Variants in MARCHF3 observed in about 807,000 individuals in gnomAD.
The protein encoded by MARCHF3 is membrane associated ring-CH-type finger 3, also known as E3 ubiquitin-protein ligase MARCHF3.
In MARCHF3, 13 loss-of-function variants were observed where a neutral mutation model predicts 24.2. That is an observed-to-expected ratio of 0.54 (90% CI 0.35 to 0.85). The LOEUF (loss-of-function observed/expected upper bound fraction) is 0.85. MARCHF3 is among the 40% of genes least tolerant of loss of function. The probability of loss-of-function intolerance (pLI) is 0.01; values close to 1 mark genes in which losing one functional copy is unlikely to be tolerated. For synonymous variants in MARCHF3, 144 were observed against 137.3 expected, an observed-to-expected ratio of 1.05 and a Z score of -0.34; for missense variants, 276 against 325.0, an observed-to-expected ratio of 0.85 and a Z score of 1.16.
intron 1 of MARCHF3, among the ~76,000 whole-genome samples, chr5:126,962,836 T>C (rs796979088): frequency 7.5e-6 from 1 of 133,968 alleles, no homozygotes; most frequent in Admixed American, 7.1e-5. Flanking sequence ...TGTGTGTGCG[T>C]GTGTGTGTGT....
chr5:126,902,524 T>A (rs1412060876), intron 3 of MARCHF3, among the ~76,000 whole-genome samples: 1 of 152,030 alleles, frequency 6.6e-6, no homozygotes. Flanking sequence ...ATGGAATTCT[T>A]TTTATACACA....
intron 3 of MARCHF3, among the ~76,000 whole-genome samples, chr5:126,894,538 T>C (rs1294141932): frequency 3.9e-5 from 6 of 152,082 alleles, no homozygotes; most frequent in East Asian, 1.9e-4. Context: ...ATTTCTCCTT[T>C]GCTTATGAAG....
Position 126,927,019 on chromosome 5 carries a change from C to T in MARCHF3, c.-56-8792G>A, listed in dbSNP as rs555792311. Among the ~76,000 whole-genome samples the T allele has an allele frequency of 3.9e-5, 6 of 152,238 alleles. No individual in the cohort carries two copies. The East Asian group carries it at 9.6e-4, about 24-fold the overall frequency. ...CTCATGAAGACACAACTACTGACAT[C>T]TGCTTTGATAGTCTTGTATAAACAG... On this transcript the variant is annotated intron_variant, in intron 1 of 4. Transcript: ENST00000308660.
chr5:126,964,588 A>G (rs1164376341), intron 1 of MARCHF3, among the ~76,000 whole-genome samples: 1 of 152,210 alleles, frequency 6.6e-6, no homozygotes, highest in Non-Finnish European at 1.5e-5. Flanking sequence ...TTAAGATATG[A>G]GTCCAGTGAG....
intron 1 of MARCHF3, among the ~76,000 whole-genome samples, chr5:126,985,594 G>A (rs1333460230): frequency 6.6e-6 from 1 of 150,910 alleles, no homozygotes; most frequent in Non-Finnish European, 1.5e-5. Context: ...CTCACCTCCC[G>A]AATAGCTGGG....
At chr5:126,941,551 T>C (rs774592073) in intron 1 of MARCHF3, among the ~76,000 whole-genome samples, 1 of 152,240 alleles carries the variant, frequency 6.6e-6, no homozygotes, top group Non-Finnish European at 1.5e-5. Flanking sequence ...ATGTGTCATA[T>C]GCGTTAATAG....
chr5:126,965,235 G>C (rs77535398), intron 1 of MARCHF3, among the ~76,000 whole-genome samples: 1 of 152,116 alleles, frequency 6.6e-6, no homozygotes, highest in Non-Finnish European at 1.5e-5. Context: ...CCAGATTACA[G>C]ATGAAGAAAC....
chr5:126,882,075 A>G (rs973533137), intron 3 of MARCHF3, among the ~76,000 whole-genome samples: 2 of 152,186 alleles, frequency 1.3e-5, no homozygotes, highest in Non-Finnish European at 2.9e-5. Flanking sequence ...CCCATTCCAT[A>G]GATATAAACA....
At chr5:126,874,236 A>T (rs1462464568) in intron 4 of MARCHF3, among the ~76,000 whole-genome samples, 1 of 152,210 alleles carries the variant, frequency 6.6e-6, no homozygotes, top group Admixed American at 6.5e-5. Context: ...AGAAAATGTT[A>T]GCATCCACTC....
At chr5:126,933,299 C>T (rs1313340509) in intron 1 of MARCHF3, among the ~76,000 whole-genome samples, 4 of 152,128 alleles carry the variant, frequency 2.6e-5, no homozygotes, top group Non-Finnish European at 5.9e-5. Flanking sequence ...GATGATAGTG[C>T]ATATATACAC....
intron 1 of MARCHF3, among the ~76,000 whole-genome samples, chr5:127,006,552 T>C (rs768739931): frequency 4.6e-5 from 7 of 152,210 alleles, no homozygotes; most frequent in Non-Finnish European, 1.0e-4. Flanking sequence ...TCATTACGTT[T>C]AGTATTTTAA....
chr5:126,974,242 T>G (rs114531336), intron 1 of MARCHF3, among the ~76,000 whole-genome samples: 2 of 152,178 alleles, frequency 1.3e-5, no homozygotes, highest in African/African-American at 2.4e-5. Flanking sequence ...GAAGAAAAGA[T>G]GGATGGGGAC....
At position 126,968,761 on chromosome 5, in the gene MARCHF3, T is replaced by TA. The variant is rs564774417; in HGVS notation, c.-56-50535dup. ...AGCTAATTTTTGTATTTTAAGTAGA[T>TA]ACAGGGTTTCGCCATGTTGGCCTGG... On this transcript the variant is annotated intron_variant, in intron 1 of 4. Transcript: ENST00000308660. Among the ~76,000 whole-genome samples, 450 of 152,176 alleles carry TA rather than the reference T, an allele frequency of 3.0e-3. 2 individuals carry two copies. Among genetic ancestry groups the TA allele is most frequent in the African/African-American group, 0.01 (430 of 41,528 alleles).
At chr5:126,997,954 T>C (rs527707996) in intron 1 of MARCHF3, among the ~76,000 whole-genome samples, 2 of 152,324 alleles carry the variant, frequency 1.3e-5, no homozygotes, top group African/African-American at 4.8e-5. Flanking sequence ...GAAGCACTTT[T>C]ATTACAGAAG....
intron 3 of MARCHF3, among the ~76,000 whole-genome samples, chr5:126,899,784 C>T (rs1394832090): frequency 6.6e-6 from 1 of 151,944 alleles, no homozygotes; most frequent in East Asian, 1.9e-4. Context: ...GTTTTTGGTT[C>T]ACAGCAAAAT....
intron 3 of MARCHF3, among the ~76,000 whole-genome samples, chr5:126,878,830 C>A (rs1753257496): frequency 6.6e-6 from 1 of 152,192 alleles, no homozygotes; most frequent in South Asian, 2.1e-4. Flanking sequence ...CCAAGACAGG[C>A]CTGTTTTTAG....
rs761696126 is a variant in MARCHF3 at position 126,870,607 on chromosome 5, C to G, written c.*26G>C. On this transcript the variant is annotated 3_prime_UTR_variant, in exon 5 of 5. Coordinates refer to ENST00000308660, the MANE Select transcript of MARCHF3 (RefSeq NM_178450.5). ...CACTTCCAAACCCCAAACAATGAAT[C>G]AAACAACCAACCAACCATACAAACA... 6.6e-7 allele frequency: 1 copy of G among 1,512,968 alleles called. No individual in the cohort carries two copies. The highest frequency in any genetic ancestry group is 8.7e-7 in the Non-Finnish European group (1 of 1,150,826). The allele number at this position is 1,512,968 out of a possible 1,614,324, so 93.7% of individuals were successfully genotyped here.
intron 3 of MARCHF3, among the ~76,000 whole-genome samples, chr5:126,902,694 G>A (rs1278870149): frequency 6.6e-6 from 1 of 152,078 alleles, no homozygotes. Flanking sequence ...AGCAAGCTGT[G>A]AATTTAATAG....
intron 3 of MARCHF3, among the ~76,000 whole-genome samples, chr5:126,883,124 A>C (rs1753395475): frequency 6.6e-6 from 1 of 152,228 alleles, no homozygotes; most frequent in South Asian, 2.1e-4. Context: ...TATCCTGCCC[A>C]CTTGTGGACA....
Sources: gnomAD v4.1 joint callset for allele counts (sites outside exome capture counted in the v4.1 genomes callset) on GRCh38, gnomAD v4.1.1 for gene constraint, MANE v1.5 for transcripts, NCBI Gene and HGNC (gene_info 2026-07-23, HGNC 2026-07-21) for gene names.